Variants in GLRA2 observed in about 807,000 individuals in gnomAD.
GLRA2 encodes the protein glycine receptor subunit alpha-2.
Under a neutral mutation model 31.6 loss-of-function variants are expected in GLRA2, and 11 were observed. That is an observed-to-expected ratio of 0.35 (90% CI 0.22 to 0.58). The LOEUF (loss-of-function observed/expected upper bound fraction) is 0.58, where lower values mean the gene tolerates loss of function less well. Among genes scored for constraint, GLRA2 ranks in the 20% least tolerant of loss-of-function variants. The pLI is 0.84. For synonymous variants in GLRA2, 132 were observed against 134.0 expected (o/e 0.99, Z 0.10); for missense variants, 212 against 351.8 (o/e 0.60, Z 3.18).
chrX:14,529,905 C>A lies in GLRA2; in HGVS notation c.-153C>A. On this transcript the variant is annotated 5_prime_UTR_variant, in exon 1 of 9. Transcript: ENST00000218075. ...CCAGGACTGGCACTTTTTCTTTTTTCTCAGCAAACTGTACAAAACCAAATC... is the reference window on the plus strand; with the variant it reads ...CCAGGACTGGCACTTTTTCTTTTTTATCAGCAAACTGTACAAAACCAAATC... 1 of 491,636 alleles carries A rather than the reference C, an allele frequency of 2.0e-6. No homozygotes were observed. The highest frequency in any genetic ancestry group is 3.6e-6 in the Non-Finnish European group (1 of 280,752). 40.5% of individuals were successfully genotyped at this position (491,636 alleles called of 1,213,427 possible).
intron 4 of GLRA2, among the ~76,000 whole-genome samples, chrX:14,600,841 T>A (rs1222959493): frequency 9.0e-6 from 1 of 111,469 alleles, no homozygotes; most frequent in Non-Finnish European, 1.9e-5. Context: ...CTATTCATAA[T>A]AGACAAGTTA....
chrX:14,706,112 C>T (rs2091617069), intron 8 of GLRA2, among the ~76,000 whole-genome samples: 1 of 79,773 alleles, frequency 1.3e-5, no homozygotes, highest in Non-Finnish European at 2.8e-5. Context: ...GCCCAGACAT[C>T]TTGGTTTTAT....
At chrX:14,573,088 A>G (rs1172026538) in intron 2 of GLRA2, among the ~76,000 whole-genome samples, 1 of 111,984 alleles carries the variant, frequency 8.9e-6, no homozygotes, top group African/African-American at 3.2e-5. Flanking sequence ...ATGAAAAACA[A>G]TCACAATTAC....
At chrX:14,499,121 A>G in the GLRA2 span, among the ~76,000 whole-genome samples, 1 of 111,917 alleles carries the variant, frequency 8.9e-6, no homozygotes, top group Non-Finnish European at 1.9e-5. Flanking sequence ...CTTTTTGGGT[A>G]TATACCCAGC....
At chrX:14,464,375 G>A in the GLRA2 span, among the ~76,000 whole-genome samples, 1 of 110,606 alleles carries the variant, frequency 9.0e-6, no homozygotes, top group South Asian at 3.9e-4. Flanking sequence ...AGAGGTGGGG[G>A]TCTAGTTTTA....
At chrX:14,676,319 A>G (rs749220197) in intron 7 of GLRA2, among the ~76,000 whole-genome samples, 1 of 112,935 alleles carries the variant, frequency 8.9e-6, no homozygotes, top group South Asian at 3.6e-4. Context: ...GGTGGATATG[A>G]GGAATCATTC....
the GLRA2 span, among the ~76,000 whole-genome samples, chrX:14,509,488 C>T: frequency 2.7e-5 from 3 of 112,650 alleles, no homozygotes; most frequent in Admixed American, 1.9e-4. Context: ...AAGACTCAGA[C>T]TTTGTTATAT....
At chrX:14,681,863 G>A (rs1420349556) in intron 7 of GLRA2, among the ~76,000 whole-genome samples, 2 of 66,696 alleles carry the variant, frequency 3.0e-5, no homozygotes, top group African/African-American at 1.1e-4. Flanking sequence ...CTGCACTCCA[G>A]CCTGGGCAAC....
intron 8 of GLRA2, among the ~76,000 whole-genome samples, chrX:14,693,901 C>A (rs2091402534): frequency 9.0e-6 from 1 of 111,348 alleles, no homozygotes; most frequent in Non-Finnish European, 1.9e-5. Flanking sequence ...TTGTACATAT[C>A]AAAATATATG....
intron 4 of GLRA2, among the ~76,000 whole-genome samples, chrX:14,602,721 T>C (rs113674432): frequency 2.7e-5 from 3 of 112,010 alleles, no homozygotes; most frequent in African/African-American, 9.7e-5. Context: ...AGAATAATGG[T>C]CTCCAGTCCC....
chrX:14,632,129 A>G (rs762311811), intron 7 of GLRA2, among the ~76,000 whole-genome samples: 2 of 105,212 alleles, frequency 1.9e-5, no homozygotes, highest in Non-Finnish European at 3.9e-5. Flanking sequence ...AACTGGAACA[A>G]TAGTAGGCCT....
intron 8 of GLRA2, among the ~76,000 whole-genome samples, chrX:14,729,252 T>A (rs1457294054): frequency 9.0e-6 from 1 of 111,305 alleles, no homozygotes; most frequent in East Asian, 2.8e-4. Flanking sequence ...CTCAGAGGAG[T>A]TGCATGTTAT....
chrX:14,579,907 T>A (rs2089997431), intron 3 of GLRA2, among the ~76,000 whole-genome samples: 2 of 112,054 alleles, frequency 1.8e-5, no homozygotes, highest in Non-Finnish European at 3.8e-5. Context: ...AGTAAATAGG[T>A]AAAAAAGAAA....
At chrX:14,545,010 G>A (rs372694598) in intron 2 of GLRA2, among the ~76,000 whole-genome samples, 13 of 110,975 alleles carry the variant, frequency 1.2e-4, no homozygotes, top group South Asian at 3.8e-4. Context: ...TTACACACTA[G>A]GTGAAAACAC....
intron 7 of GLRA2, among the ~76,000 whole-genome samples, chrX:14,675,706 G>A (rs1051120309): frequency 1.8e-5 from 2 of 111,719 alleles, no homozygotes; most frequent in Non-Finnish European, 3.8e-5. Context: ...GCATTAAATG[G>A]CAGGTGTGAG....
At chrX:14,522,011 T>C in the GLRA2 span, among the ~76,000 whole-genome samples, 1 of 111,727 alleles carries the variant, frequency 9.0e-6, no homozygotes, top group Non-Finnish European at 1.9e-5. Flanking sequence ...TAAGACAATA[T>C]TGAAGTTTGC....
chrX:14,690,675 CTCTG>C (rs762079679), intron 7 of GLRA2, 31 bp from the exon 8 acceptor site: 25 of 942,098 alleles, frequency 2.7e-5, no homozygotes, highest in Non-Finnish European at 3.8e-5. Flanking sequence ...CTCTCTCTCT[CTCTG>C]TGTGTGTGTG....
the GLRA2 span, among the ~76,000 whole-genome samples, chrX:14,501,534 A>G: frequency 9.0e-6 from 1 of 111,177 alleles, no homozygotes; most frequent in African/African-American, 3.3e-5. Context: ...GCTTGGCCAC[A>G]TTTATGCTCC....
intron 8 of GLRA2, among the ~76,000 whole-genome samples, chrX:14,700,247 A>G (rs999561105): frequency 9.0e-5 from 10 of 111,089 alleles, no homozygotes; most frequent in African/African-American, 3.0e-4. Flanking sequence ...GAAGTGGATA[A>G]GATTACCCAG....
Sources: allele counts gnomAD v4.1 joint callset (sites outside exome capture counted in the v4.1 genomes callset), GRCh38; gene constraint gnomAD v4.1.1; transcripts MANE v1.5; gene names NCBI Gene and HGNC (gene_info 2026-07-23, HGNC 2026-07-21).